Variants in PAOX observed in about 807,000 individuals in gnomAD.
The protein encoded by PAOX is polyamine oxidase, also known as peroxisomal N(1)-acetyl-spermine/spermidine oxidase.
In PAOX, 38 loss-of-function variants were observed where a neutral mutation model predicts 39.0. The ratio of observed to expected loss-of-function variants is 0.97; its 90% CI spans 0.75 to 1.28. The LOEUF (loss-of-function observed/expected upper bound fraction) is 1.28, where lower values mean the gene tolerates loss of function less well. Ranked by LOEUF, PAOX falls within the 50% of genes most tolerant of loss-of-function variation. PAOX has a pLI of 0.00. For synonymous variants in PAOX, 311 were observed against 314.4 expected, an observed-to-expected ratio of 0.99 and a Z score of 0.11; for missense variants, 667 against 685.7, an observed-to-expected ratio of 0.97 and a Z score of 0.30.
intron 3 of PAOX, among the ~76,000 whole-genome samples, chr10:133,381,887 C>T (rs922819886): frequency 2.6e-5 from 4 of 152,166 alleles, no homozygotes; most frequent in Admixed American, 6.5e-5. Context: ...GCGTCCTGCT[C>T]GCTTGGAGGT....
intron 3 of PAOX, among the ~76,000 whole-genome samples, chr10:133,382,068 G>A (rs1005525147): frequency 6.6e-6 from 1 of 152,170 alleles, no homozygotes; most frequent in African/African-American, 2.4e-5. Context: ...CTGTCCTTGA[G>A]TAGAGGTGGT....
chr10:133,379,423 C>T lies in PAOX; in HGVS notation c.107C>T (p.Ser36Phe). The change falls in exon 1 of 7, where the codon TCC becomes TTC. Residue 36 changes from serine (S) to phenylalanine (F), a missense_variant. Coordinates refer to ENST00000278060, the MANE Select transcript of PAOX (RefSeq NM_152911.4). ...LGAAQRLCGH[S>F]AFPHLRVLEA... is the part of the protein sequence containing the mutation. ...GCGGCGCAGAGGCTCTGCGGCCACT[C>T]CGCCTTCCCGCACCTGCGGGTCCTG... 5 of 1,224,254 alleles carry T rather than the reference C, an allele frequency of 4.1e-6. No homozygotes were observed. Among genetic ancestry groups the T allele is most frequent in the South Asian group, 8.3e-5 (2 of 24,240 alleles). The allele number at this position is 1,224,254 out of a possible 1,614,324, so 75.8% of individuals were successfully genotyped here. A position where few individuals can be genotyped will look rare whatever the true frequency, so the allele number is the denominator to read the frequency against.
rs184195660 is a variant in PAOX at position 133,391,332 on chromosome 10, G to A, written c.1413G>A (p.Gly471=). Reference sequence around the variant, plus strand: ...TGCAGCTCCAGATCCTGTTTGCGGGGGAAGCCACACATCGCACGTTTTACT... The same window carrying A: ...TGCAGCTCCAGATCCTGTTTGCGGGAGAAGCCACACATCGCACGTTTTACT... The part of the protein sequence containing the change: ...AGAQLQILFA[G]EATHRTFYST... Residue 471 remains glycine, a synonymous_variant, in exon 7 of 7, where the codon GGG becomes GGA. Coordinates refer to ENST00000278060, the MANE Select transcript of PAOX (RefSeq NM_152911.4). The A allele has an allele frequency of 6.2e-7, 1 of 1,613,560 alleles. No individual in the cohort carries two copies. The highest frequency in any genetic ancestry group is 2.2e-5 in the East Asian group (1 of 44,866).
At chr10:133,383,895 T>C in intron 3 of PAOX, 65 bp from the exon 4 acceptor site, 1 of 1,544,672 alleles carries the variant, frequency 6.5e-7, no homozygotes, top group South Asian at 1.3e-5. Flanking sequence ...ATCCAAGGTC[T>C]GGACAGACAG....
In PAOX at chr10:133,380,307, G is replaced by A; in HGVS notation, c.490G>A (p.Gly164Ser). Residue 164 changes from glycine to serine, a missense_variant, in exon 2 of 7, where the codon GGC becomes AGC. Transcript: ENST00000278060. ...CGGGGAGTACCTCAAGAAGGAGATT[G>A]GCCAGCACGTGGCCGGCTGGACAGA... ...SVGEYLKKEIGQHVAGWTEDE... is the reference protein window; with the variant it reads ...SVGEYLKKEISQHVAGWTEDE... 1 of 1,612,918 alleles carries A rather than the reference G, an allele frequency of 6.2e-7. No homozygotes were observed. Among genetic ancestry groups the A allele is most frequent in the African/African-American group, 1.3e-5 (1 of 75,070 alleles).
In PAOX at chr10:133,381,597, C is replaced by G. The variant is rs139393085; in HGVS notation, c.806C>G (p.Ser269Trp). The G allele has an allele frequency of 6.2e-7, 1 of 1,613,632 alleles. No homozygotes were observed. Residue 269 changes from serine to tryptophan, a missense_variant, in exon 3 of 7, where the codon TCG becomes TGG. Physicochemically the swap from Ser to Trp is radical, Grantham distance 177. Coordinates refer to ENST00000278060, the MANE Select transcript of PAOX (RefSeq NM_152911.4). ...TTTCCCGGGGAGACCTTTCCAGTGTCGGTAGAGTGTGAGGATGGAGACCGG... is the reference window on the plus strand; with the variant it reads ...TTTCCCGGGGAGACCTTTCCAGTGTGGGTAGAGTGTGAGGATGGAGACCGG... ...AAFPGETFPV[S>W]VECEDGDRFP...
chr10:133,384,268 A>T lies in PAOX; in HGVS notation c.1121+56A>T. 6.3e-7 allele frequency: 1 copy of T among 1,592,074 alleles called. No homozygotes were observed. Among genetic ancestry groups the T allele is most frequent in the South Asian group, 1.1e-5 (1 of 88,208 alleles). ...TGGCTGGCTCATAGGCCTTCATCTG[A>T]TGGAGGACGCAGCAGTGTGTCTGTT... On this transcript the variant is annotated intron_variant, in intron 4 of 6. Coordinates refer to ENST00000278060, the MANE Select transcript of PAOX (RefSeq NM_152911.4). The surrounding 1 kb of genome is among the most constrained non-coding windows in gnomAD (Gnocchi z 4.3).
intron 3 of PAOX, 103 bp downstream of exon 3, chr10:133,381,762 C>T (rs1467749637): frequency 8.3e-7 from 1 of 1,202,238 alleles, no homozygotes; most frequent in Admixed American, 2.2e-5. Flanking sequence ...ACGAAGCTCA[C>T]ATTTTCGTTC....
chr10:133,383,630 A>C (rs574059449), intron 3 of PAOX, among the ~76,000 whole-genome samples: 1 of 149,386 alleles, frequency 6.7e-6, no homozygotes, highest in South Asian at 2.1e-4. Context: ...GAAAACCCAA[A>C]AAACAAAAAA....
rs569774312 is a variant in PAOX, at chr10:133,390,923, T to C, written c.1393-389T>C. On this transcript the variant is annotated intron_variant, in intron 6 of 6. Coordinates refer to ENST00000278060, the MANE Select transcript of PAOX (RefSeq NM_152911.4). ...CTCTAAAAGCTGTTCACACCTGAGC[T>C]GCGGGGTGCAGTGGCTTCCTTTCCC... 317 of 651,442 alleles carry C rather than the reference T, an allele frequency of 4.9e-4. 1 individual carries two copies. The highest frequency in any genetic ancestry group is 7.5e-4 in the Non-Finnish European group (263 of 351,478). The allele number at this position is 651,442 out of a possible 1,614,324, so 40.4% of individuals were successfully genotyped here. A position where few individuals can be genotyped will look rare whatever the true frequency, so the allele number is the denominator to read the frequency against.
rs757368416 is a variant in PAOX at position 133,384,180 on chromosome 10, G to A, written c.1089G>A (p.Lys363=). 4 of 1,614,050 alleles carry A rather than the reference G, an allele frequency of 2.5e-6. No individual in the cohort carries two copies. Among genetic ancestry groups the A allele is most frequent in the Non-Finnish European group, 3.4e-6 (4 of 1,180,010 alleles). ...AGCTACAGGACGCCTGGTTCCGGAA[G>A]CTCATTGGCTTTGTGGTCCTGCCTG... is the stretch of plus-strand genomic sequence containing the variant. ...APELQDAWFR[K]LIGFVVLPAF... Residue 363 remains lysine (K), a synonymous_variant, in exon 4 of 7, where the codon AAG becomes AAA. Coordinates refer to ENST00000278060, the MANE Select transcript of PAOX (RefSeq NM_152911.4). This position sits in a 1 kb window ranked among gnomAD's most constrained non-coding sequence, Gnocchi z 4.3.
chr10:133,380,572 A>T (rs1025591633), intron 2 of PAOX, 87 bp downstream of exon 2: 108 of 1,458,276 alleles, frequency 7.4e-5, no homozygotes, highest in Non-Finnish European at 8.9e-5. Context: ...TTGCTTGGGT[A>T]TGGGAGGGAC....
At chr10:133,380,662 T>C (rs1849341171) in intron 2 of PAOX, among the ~76,000 whole-genome samples, 177 bp downstream of exon 2, 2 of 152,228 alleles carry the variant, frequency 1.3e-5, no homozygotes, top group Admixed American at 1.3e-4. Context: ...AAAAAAGTTA[T>C]TTCTGAGAGA....
chr10:133,379,745 G>GC, intron 1 of PAOX: 1 of 526,862 alleles, frequency 1.9e-6, no homozygotes, highest in South Asian at 7.1e-5. Flanking sequence ...CCCCACGGGG[G>GC]CCCCCCCAGC....
At chr10:133,390,671 G>A (rs1179962351) in intron 6 of PAOX, among the ~76,000 whole-genome samples, 1 of 152,172 alleles carries the variant, frequency 6.6e-6, no homozygotes, top group African/African-American at 2.4e-5. Flanking sequence ...TTTAGTCACT[G>A]TTCAGTTTTC....
Position 133,379,479 on chromosome 10 carries a change from CG to C in PAOX, c.164del (p.Arg55ProfsTer59). 2 of 1,225,720 alleles carry C rather than the reference CG, an allele frequency of 1.6e-6. No individual in the cohort carries two copies. The highest frequency in any genetic ancestry group is 2.0e-6 in the Non-Finnish European group (2 of 984,142). 75.9% of individuals were successfully genotyped at this position (1,225,720 alleles called of 1,614,324 possible). ...EATARAGGRI[R>X]SERCFGGVVE... ...CACGGCCCGCGCCGGGGGCCGCATCCGCTCGGAGCGCTGCTTCGGTAACCGC... is the reference window on the plus strand; with the variant it reads ...CACGGCCCGCGCCGGGGGCCGCATCCCTCGGAGCGCTGCTTCGGTAACCGC... On this transcript the variant is annotated frameshift_variant, in exon 1 of 7. Transcript: ENST00000278060. LOFTEE classifies it high-confidence loss of function.
chr10:133,383,636 A>G (rs1316721857), intron 3 of PAOX, among the ~76,000 whole-genome samples: 1 of 149,094 alleles, frequency 6.7e-6, no homozygotes, highest in Non-Finnish European at 1.5e-5. Flanking sequence ...CCAAAAAACA[A>G]AAAAACAAAA....
intron 6 of PAOX, among the ~76,000 whole-genome samples, 164 bp downstream of exon 6, chr10:133,389,911 G>T (rs1224381928): frequency 6.6e-6 from 1 of 152,216 alleles, no homozygotes; most frequent in Non-Finnish European, 1.5e-5. Context: ...TACTGTTTTT[G>T]TGAGAATTAT....
At chr10:133,387,623 C>T (rs372649835) in intron 4 of PAOX, among the ~76,000 whole-genome samples, 7 of 152,248 alleles carry the variant, frequency 4.6e-5, no homozygotes, top group Non-Finnish European at 7.3e-5. Flanking sequence ...AAAGACGCAC[C>T]AGCCCCGCCT....
Sources: allele counts gnomAD v4.1 joint callset (sites outside exome capture counted in the v4.1 genomes callset), GRCh38; gene constraint gnomAD v4.1.1; non-coding constraint Gnocchi (gnomAD v3.1); transcripts MANE v1.5; gene names NCBI Gene and HGNC (gene_info 2026-07-23, HGNC 2026-07-21).